Variants in CLSTN2 observed in about 807,000 individuals in gnomAD.
CLSTN2 encodes the protein calsyntenin-2.
In CLSTN2, 48 loss-of-function variants were observed where a neutral mutation model predicts 101.2. That is an observed-to-expected ratio of 0.47 (90% CI 0.38 to 0.60). CLSTN2 has a LOEUF of 0.60. Among genes scored for constraint, CLSTN2 ranks in the 20% least tolerant of loss-of-function variants. The probability of loss-of-function intolerance (pLI) is 0.00; values close to 1 mark genes in which losing one functional copy is unlikely to be tolerated. For missense variants in CLSTN2, 1,160 were observed against 1,238.2 expected (o/e 0.94, Z 0.95); for synonymous variants, 481 against 463.6 (o/e 1.04, Z -0.48).
chr3:140,551,995 A>G (rs1238422351), intron 10 of CLSTN2, among the ~76,000 whole-genome samples: 1 of 152,042 alleles, frequency 6.6e-6, no homozygotes, highest in Non-Finnish European at 1.5e-5. Flanking sequence ...TAAGTCAGAA[A>G]AATCAGAGTC....
chr3:140,542,085 T>C (rs1169562392), intron 9 of CLSTN2, among the ~76,000 whole-genome samples: 1 of 152,230 alleles, frequency 6.6e-6, no homozygotes. Flanking sequence ...TAAAATAGCA[T>C]GTGAAAGAAC....
intron 2 of CLSTN2, among the ~76,000 whole-genome samples, chr3:140,284,471 T>G (rs962859011): frequency 2.0e-5 from 3 of 152,148 alleles, no homozygotes; most frequent in Admixed American, 2.0e-4. Flanking sequence ...CTTTTTTTCC[T>G]AAGAAAATCA....
At chr3:140,412,224 A>G (rs951743500) in intron 4 of CLSTN2, among the ~76,000 whole-genome samples, 2 of 152,316 alleles carry the variant, frequency 1.3e-5, no homozygotes, top group Admixed American at 1.3e-4. Flanking sequence ...CATGTTGGTC[A>G]GCCTGGTCTT....
intron 1 of CLSTN2, among the ~76,000 whole-genome samples, chr3:140,067,671 G>A (rs542951843): frequency 6.6e-6 from 1 of 152,322 alleles, no homozygotes; most frequent in South Asian, 2.1e-4. Flanking sequence ...CTGGATCACA[G>A]ATGCTGTCAC....
At chr3:140,143,837 G>A (rs2107810420) in intron 1 of CLSTN2, among the ~76,000 whole-genome samples, 1 of 152,346 alleles carries the variant, frequency 6.6e-6, no homozygotes, top group East Asian at 1.9e-4. Context: ...GAAGGCGTGT[G>A]GAGGGTGCTG....
intron 2 of CLSTN2, among the ~76,000 whole-genome samples, chr3:140,285,525 C>T (rs1375190629): frequency 2.6e-5 from 4 of 152,088 alleles, no homozygotes; most frequent in Admixed American, 1.3e-4. Flanking sequence ...ATGGGATACT[C>T]CTGTGTAAAG....
At chr3:140,008,121 C>T (rs550446118) in intron 1 of CLSTN2, among the ~76,000 whole-genome samples, 46 of 152,342 alleles carry the variant, frequency 3.0e-4, no homozygotes, top group African/African-American at 9.6e-4. Context: ...AATAACCACA[C>T]ATGAATGCCT....
intron 2 of CLSTN2, among the ~76,000 whole-genome samples, chr3:140,274,668 G>A (rs1353476695): frequency 1.3e-5 from 2 of 152,124 alleles, no homozygotes; most frequent in Non-Finnish European, 2.9e-5. Flanking sequence ...TCTTGAGAGA[G>A]GGAAGTGTAT....
rs139716582 is a variant in CLSTN2 at position 140,203,553 on chromosome 3, C to G, written c.232+27480C>G. Among the ~76,000 whole-genome samples, 698 of 124,068 alleles carry G rather than the reference C, an allele frequency of 5.6e-3. 4 individuals are homozygous for G. The highest frequency in any genetic ancestry group is 0.02 in the African/African-American group (657 of 32,554). 81.4% of individuals were successfully genotyped at this position (124,068 alleles called of 152,430 possible). On this transcript the variant is annotated intron_variant, in intron 2 of 16. Transcript: ENST00000458420. ...CATTTGTTGGTAGAAAATGTTAGCT[C>G]TTTTCCTGAGACCACGGTGCAATTT...
At chr3:140,490,610 A>AAAC (rs1300164747) in intron 8 of CLSTN2, among the ~76,000 whole-genome samples, 22 of 151,610 alleles carry the variant, frequency 1.5e-4, no homozygotes, top group Non-Finnish European at 2.9e-5. Context: ...AAAAAAAAAA[A>AAAC]AAAAAACATG....
chr3:140,139,571 C>G (rs369697576), intron 1 of CLSTN2, among the ~76,000 whole-genome samples: 24 of 152,288 alleles, frequency 1.6e-4, no homozygotes, highest in African/African-American at 5.8e-4. Context: ...GCAACCTAGG[C>G]GTCTGGATTT....
At chr3:140,448,432 T>C in intron 5 of CLSTN2, 87 bp from the exon 6 acceptor site, 2 of 1,145,804 alleles carry the variant, frequency 1.7e-6, no homozygotes, top group Non-Finnish European at 2.5e-6. Context: ...AAATAATTCG[T>C]TGGAACAAAT....
intron 2 of CLSTN2, among the ~76,000 whole-genome samples, chr3:140,300,599 C>T (rs897072672): frequency 6.6e-5 from 10 of 152,022 alleles, no homozygotes; most frequent in African/African-American, 2.4e-4. Flanking sequence ...CCCAGATGTG[C>T]CTTGAATGTA....
chr3:140,136,901 C>G (rs114894643), intron 1 of CLSTN2, among the ~76,000 whole-genome samples: 4 of 152,268 alleles, frequency 2.6e-5, no homozygotes, highest in African/African-American at 9.6e-5. Flanking sequence ...GCAGAGAATA[C>G]AGCAGGTCAC....
At chr3:140,447,424 C>T (rs184206117) in intron 5 of CLSTN2, among the ~76,000 whole-genome samples, 3 of 152,330 alleles carry the variant, frequency 2.0e-5, no homozygotes, top group Non-Finnish European at 4.4e-5. Context: ...CTTGAGTCCG[C>T]TCTGACTTTT....
chr3:140,506,159 T>C (rs1343115082), intron 8 of CLSTN2: 1 of 152,206 alleles, frequency 6.6e-6, no homozygotes, highest in Non-Finnish European at 1.5e-5. Context: ...CTCTGCTATT[T>C]ATCTGCCTAG....
chr3:139,996,847 A>G (rs2006674778), intron 1 of CLSTN2, among the ~76,000 whole-genome samples: 1 of 152,032 alleles, frequency 6.6e-6, no homozygotes, highest in African/African-American at 2.4e-5. Context: ...CAGGAGTTCA[A>G]GATCAGCCTG....
At position 140,466,619 on chromosome 3, in the gene CLSTN2, G is replaced by T. The variant is rs774150415; in HGVS notation, c.1232G>T (p.Arg411Leu). ...LCNSDKTEMN[R>L]HHYALYVHNC... ...TCTTTCTGCTTTTCAGAAATGAACCGGCATCACTATGCCCTGTATGTGCAC... is the reference window on the plus strand; with the variant it reads ...TCTTTCTGCTTTTCAGAAATGAACCTGCATCACTATGCCCTGTATGTGCAC... The change falls in exon 8 of 17, where the codon CGG (arginine) becomes CTG (leucine). Residue 411 changes from arginine (R) to leucine (L), a missense_variant. Transcript: ENST00000458420. The T allele has an allele frequency of 6.2e-7, 1 of 1,613,906 alleles. No individual in the cohort carries two copies. Among genetic ancestry groups the T allele is most frequent in the African/African-American group, 1.3e-5 (1 of 74,876 alleles).
intron 5 of CLSTN2, among the ~76,000 whole-genome samples, chr3:140,427,244 TACATA>T (rs2088582473): frequency 2.4e-5 from 3 of 127,570 alleles, no homozygotes; most frequent in African/African-American, 1.0e-4. Context: ...TATATATATA[TACATA>T]TATATATACA....
Sources: allele counts gnomAD v4.1 joint callset (sites outside exome capture counted in the v4.1 genomes callset), GRCh38; gene constraint gnomAD v4.1.1; transcripts MANE v1.5; gene names NCBI Gene and HGNC (gene_info 2026-07-23, HGNC 2026-07-21).